Variants in MEP1A observed in about 807,000 individuals in gnomAD.
MEP1A encodes the protein N-benzoyl-L-tyrosyl-P-amino-benzoic acid hydrolase subunit alpha.
In MEP1A, 68 loss-of-function variants were observed where a neutral mutation model predicts 84.5. The ratio of observed to expected loss-of-function variants is 0.80; its 90% CI spans 0.66 to 0.98. MEP1A has a LOEUF of 0.98. Ranked by LOEUF, MEP1A falls within the 50% of genes least tolerant of loss-of-function variation. The pLI is 0.00. For synonymous variants in MEP1A, 337 were observed against 336.8 expected, an observed-to-expected ratio of 1.00 and a Z score of -0.01; for missense variants, 887 against 919.9, an observed-to-expected ratio of 0.96 and a Z score of 0.46.
chr6:46,816,082 G>T (rs989498437), intron 6 of MEP1A, among the ~76,000 whole-genome samples: 13 of 151,934 alleles, frequency 8.6e-5, no homozygotes, highest in Non-Finnish European at 1.3e-4. Context: ...GATCACAGGC[G>T]TGTGCCACCA....
intron 7 of MEP1A, among the ~76,000 whole-genome samples, chr6:46,823,282 G>A (rs1351874818): frequency 1.3e-5 from 2 of 152,166 alleles, no homozygotes; most frequent in Non-Finnish European, 2.9e-5. Context: ...AGCTCTGTAT[G>A]AGGCAGTTAC....
intron 7 of MEP1A, among the ~76,000 whole-genome samples, chr6:46,820,480 T>C (rs543211416): frequency 1.9e-3 from 296 of 152,354 alleles, no homozygotes; most frequent in African/African-American, 6.7e-3. Flanking sequence ...AACCTCTGCC[T>C]CCTGAGTTCA....
downstream of MEP1A, among the ~76,000 whole-genome samples, chr6:46,844,420 C>T (rs1348875757): frequency 1.3e-5 from 2 of 152,232 alleles, no homozygotes; most frequent in East Asian, 3.9e-4. Context: ...TTGCCTTCCA[C>T]AGTTTTACCA....
At chr6:46,831,105 G>A (rs1279002589) in intron 10 of MEP1A, among the ~76,000 whole-genome samples, 2 of 152,040 alleles carry the variant, frequency 1.3e-5, no homozygotes, top group Non-Finnish European at 2.9e-5. Context: ...TACGTTCCCT[G>A]GGAACACTGT....
intron 7 of MEP1A, among the ~76,000 whole-genome samples, chr6:46,823,822 A>G (rs538148714): frequency 4.6e-5 from 7 of 152,284 alleles, no homozygotes; most frequent in African/African-American, 1.4e-4. Context: ...CAATTCAAAG[A>G]CCCTCTGATC....
chr6:46,819,505 T>A (rs1483244241), intron 6 of MEP1A, 24 bp from the exon 7 acceptor site: 2 of 1,558,622 alleles, frequency 1.3e-6, no homozygotes, highest in Admixed American at 3.9e-5. Flanking sequence ...CTAGAAGAAA[T>A]TTTTCCTCTT....
intron 5 of MEP1A, among the ~76,000 whole-genome samples, chr6:46,804,287 A>C (rs554025019): frequency 6.6e-6 from 1 of 151,814 alleles, no homozygotes; most frequent in East Asian, 1.9e-4. Context: ...CTGGAAATAG[A>C]ATTTCGGTTT....
At chr6:46,840,400 G>T (rs1297863030), downstream of MEP1A, among the ~76,000 whole-genome samples, 2 of 152,114 alleles carry the variant, frequency 1.3e-5, no homozygotes, top group East Asian at 3.9e-4. Context: ...CTAAGAATGT[G>T]CATTCTTAAA....
chr6:46,837,993 G>A (rs1363248974), intron 13 of MEP1A, among the ~76,000 whole-genome samples: 1 of 151,428 alleles, frequency 6.6e-6, no homozygotes, highest in Non-Finnish European at 1.5e-5. Flanking sequence ...CCGGGTTCAA[G>A]CAATTCTACT....
In MEP1A at chr6:46,833,190, C is replaced by G. The variant is rs1768115805; in HGVS notation, c.1261C>G (p.Leu421Val). 3.7e-6 allele frequency: 6 copies of G among 1,610,946 alleles called. No homozygotes were observed. Among genetic ancestry groups the G allele is most frequent in the Non-Finnish European group, 4.2e-6 (5 of 1,178,680 alleles). Reference sequence around the variant, plus strand: ...TCAGAACTCAACTGGGGGAATTTACCTAGATGACATCACTCTGACAGAAAC... The same window carrying G: ...TCAGAACTCAACTGGGGGAATTTACGTAGATGACATCACTCTGACAGAAAC... Reference protein sequence around the residue: ...DPQNSTGGIYLDDITLTETPC... With the variant: ...DPQNSTGGIYVDDITLTETPC... Residue 421 changes from leucine to valine, a missense_variant, in exon 11 of 14, where the codon CTA becomes GTA. Transcript: ENST00000230588.
chr6:46,812,602 A>G (rs1767532318), intron 6 of MEP1A, among the ~76,000 whole-genome samples: 1 of 151,896 alleles, frequency 6.6e-6, no homozygotes, highest in African/African-American at 2.4e-5. Context: ...GTGTCATTTA[A>G]TTCTATGAAC....
chr6:46,829,268 T>C (rs1188340064), intron 9 of MEP1A, 88 bp from the exon 10 acceptor site: 2 of 1,043,182 alleles, frequency 1.9e-6, no homozygotes, highest in Non-Finnish European at 3.0e-6. Flanking sequence ...GGACAATGGC[T>C]GTGGTTCACT....
intron 7 of MEP1A, among the ~76,000 whole-genome samples, chr6:46,824,750 G>C (rs192351216): frequency 9.7e-5 from 6 of 62,164 alleles, no homozygotes; most frequent in Non-Finnish European, 1.5e-4. Context: ...TTAAATAGAT[G>C]TATTTAAATA....
the MEP1A span, among the ~76,000 whole-genome samples, chr6:46,845,017 C>T: frequency 1.3e-4 from 20 of 152,150 alleles, no homozygotes; most frequent in Admixed American, 8.5e-4. Context: ...CCATGTAAGA[C>T]GTGCCTTGCT....
intron 6 of MEP1A, among the ~76,000 whole-genome samples, chr6:46,814,945 T>A (rs9472875): frequency 6.6e-6 from 1 of 152,082 alleles, no homozygotes; most frequent in Non-Finnish European, 1.5e-5. Flanking sequence ...CCAGTGGAGG[T>A]AGCATGGGAA....
intron 5 of MEP1A, among the ~76,000 whole-genome samples, chr6:46,807,438 C>T (rs182232604): frequency 1.3e-3 from 191 of 150,326 alleles, no homozygotes; most frequent in Non-Finnish European, 2.1e-3. Context: ...CTTTGGGAAG[C>T]CGAGGCAGGA....
At chr6:46,842,585 T>G (rs1768353301), downstream of MEP1A, among the ~76,000 whole-genome samples, 1 of 152,306 alleles carries the variant, frequency 6.6e-6, no homozygotes, top group South Asian at 2.1e-4. Context: ...TCTCAAACCC[T>G]GTTTTCTGTT....
chr6:46,823,109 T>G (rs1767821293), intron 7 of MEP1A, among the ~76,000 whole-genome samples: 2 of 152,140 alleles, frequency 1.3e-5, no homozygotes, highest in African/African-American at 4.8e-5. Flanking sequence ...ATAATCCCCA[T>G]GATTTGGGAG....
chr6:46,831,074 T>C (rs1168658459), intron 10 of MEP1A, among the ~76,000 whole-genome samples: 1 of 152,204 alleles, frequency 6.6e-6, no homozygotes. Context: ...TGTGTTTCAT[T>C]GAATTCAGAG....
Sources: gnomAD v4.1 joint callset for allele counts (sites outside exome capture counted in the v4.1 genomes callset) on GRCh38, gnomAD v4.1.1 for gene constraint, MANE v1.5 for transcripts, NCBI Gene and HGNC (gene_info 2026-07-23, HGNC 2026-07-21) for gene names.